Variants in DTNA observed in about 807,000 individuals in gnomAD.
The protein encoded by DTNA is dystrobrevin alpha.
A neutral mutation model predicts 100.7 loss-of-function variants in DTNA; 43 were observed. The ratio of observed to expected loss-of-function variants is 0.43; its 90% CI spans 0.33 to 0.55. The LOEUF (loss-of-function observed/expected upper bound fraction) is 0.55. Ranked by LOEUF, DTNA falls within the 20% of genes least tolerant of loss-of-function variation. The pLI, the probability that DTNA is intolerant of heterozygous loss-of-function variation, is 0.04. For missense variants in DTNA, 798 were observed against 953.9 expected, an observed-to-expected ratio of 0.84 and a Z score of 2.15; for synonymous variants, 349 against 347.9, an observed-to-expected ratio of 1.00 and a Z score of -0.04.
chr18:34,829,936 C>A (rs1198856358), intron 11 of DTNA, among the ~76,000 whole-genome samples: 1 of 152,182 alleles, frequency 6.6e-6, no homozygotes, highest in Non-Finnish European at 1.5e-5. Context: ...CCTTTCTGTC[C>A]TATTGGACCT....
chr18:34,659,623 G>GACAC (rs1265884441), intron 1 of DTNA, among the ~76,000 whole-genome samples: 25 of 140,946 alleles, frequency 1.8e-4, no homozygotes, highest in African/African-American at 6.5e-4. Flanking sequence ...CATACACACA[G>GACAC]ACACACACAG....
At chr18:34,715,186 A>G (rs1004258068) in intron 1 of DTNA, among the ~76,000 whole-genome samples, 3 of 151,960 alleles carry the variant, frequency 2.0e-5, no homozygotes, top group East Asian at 1.9e-4. Flanking sequence ...GTGCACATGT[A>G]CCCTAAAACT....
intron 1 of DTNA, among the ~76,000 whole-genome samples, chr18:34,552,220 CT>C (rs1040943156): frequency 6.6e-6 from 1 of 151,864 alleles, no homozygotes; most frequent in South Asian, 2.1e-4. Context: ...GCCTTTTAAT[CT>C]TTTGAAAGGT....
chr18:34,861,130 G>A (rs927701911), intron 16 of DTNA, among the ~76,000 whole-genome samples: 2 of 151,880 alleles, frequency 1.3e-5, no homozygotes, highest in African/African-American at 4.8e-5. Flanking sequence ...GTTGATATAT[G>A]GTATTTAATA....
chr18:34,599,902 T>C (rs2051430645), intron 1 of DTNA, among the ~76,000 whole-genome samples: 1 of 152,174 alleles, frequency 6.6e-6, no homozygotes, highest in Non-Finnish European at 1.5e-5. Flanking sequence ...TGATTCGAAC[T>C]CCTGACCTCA....
At chr18:34,601,439 C>T (rs935082759) in intron 1 of DTNA, among the ~76,000 whole-genome samples, 1 of 152,158 alleles carries the variant, frequency 6.6e-6, no homozygotes, top group African/African-American at 2.4e-5. Flanking sequence ...TAGTCCTCAA[C>T]TCCTTCCAGT....
intron 1 of DTNA, among the ~76,000 whole-genome samples, chr18:34,691,398 G>C (rs1447956348): frequency 6.6e-6 from 1 of 152,162 alleles, no homozygotes; most frequent in East Asian, 1.9e-4. Flanking sequence ...CTCTCTGAGC[G>C]TCAGTTGACC....
intron 3 of DTNA, among the ~76,000 whole-genome samples, chr18:34,783,625 G>A (rs2094416472): frequency 6.6e-6 from 1 of 152,130 alleles, no homozygotes; most frequent in Non-Finnish European, 1.5e-5. Flanking sequence ...ATTTTATAAA[G>A]GTATAGCTCA....
intron 1 of DTNA, among the ~76,000 whole-genome samples, chr18:34,727,849 G>T (rs1448783960): frequency 1.3e-5 from 2 of 152,172 alleles, no homozygotes; most frequent in Non-Finnish European, 2.9e-5. Flanking sequence ...ACAGGTGTGA[G>T]CCACTGCACT....
At chr18:34,531,056 T>C (rs1206172867) in intron 1 of DTNA, among the ~76,000 whole-genome samples, 3 of 152,144 alleles carry the variant, frequency 2.0e-5, no homozygotes, top group Admixed American at 1.3e-4. Flanking sequence ...AAACCACTGA[T>C]GTGAGGTAGA....
chr18:34,514,521 T>C (rs2041402348), intron 1 of DTNA, among the ~76,000 whole-genome samples: 1 of 152,116 alleles, frequency 6.6e-6, no homozygotes, highest in Admixed American at 6.5e-5. Flanking sequence ...AAATGCAATA[T>C]CTAAGGCAGT....
chr18:34,684,042 A>G (rs549148707), intron 1 of DTNA, among the ~76,000 whole-genome samples: 2 of 152,296 alleles, frequency 1.3e-5, no homozygotes, highest in Admixed American at 1.3e-4. Context: ...AACACCTGAC[A>G]TCAAAGATAA....
At chr18:34,778,611 T>C (rs1474032596) in intron 3 of DTNA, among the ~76,000 whole-genome samples, 1 of 152,172 alleles carries the variant, frequency 6.6e-6, no homozygotes, top group East Asian at 1.9e-4. Context: ...GGAAATATTG[T>C]CTCAGCCATT....
intron 1 of DTNA, among the ~76,000 whole-genome samples, chr18:34,746,920 A>C (rs775233619): frequency 6.6e-6 from 1 of 152,020 alleles, no homozygotes; most frequent in Non-Finnish European, 1.5e-5. Context: ...AACCAAACGA[A>C]ACCAAATGTC....
intron 17 of DTNA, chr18:34,868,190 T>C (rs1039028043): frequency 8.0e-6 from 3 of 375,014 alleles, no homozygotes; most frequent in African/African-American, 4.4e-5. Flanking sequence ...TCGGTGGTTT[T>C]ATCAGTACAG....
At chr18:34,755,030 C>CT (rs1353414012) in intron 1 of DTNA, among the ~76,000 whole-genome samples, 2 of 152,156 alleles carry the variant, frequency 1.3e-5, no homozygotes, top group African/African-American at 4.8e-5. Flanking sequence ...GCAGCTACAC[C>CT]TTTTGTTAAC....
At chr18:34,625,480 C>A (rs2147970979) in intron 1 of DTNA, among the ~76,000 whole-genome samples, 1 of 152,212 alleles carries the variant, frequency 6.6e-6, no homozygotes, top group Admixed American at 6.5e-5. Context: ...GCCAGGGACA[C>A]CTTTTAAGTG....
In DTNA at chr18:34,533,394, G is replaced by A. The variant is rs564568766; in HGVS notation, c.-2+39880G>A. Among the ~76,000 whole-genome samples, 66 of 149,870 alleles carry A rather than the reference G, an allele frequency of 4.4e-4. 2 individuals are homozygous for A. The South Asian group carries it at 0.013, about 29-fold the overall frequency. ...CTCAAAAAAAAAAAAAAAAAGTACA[G>A]AGTGGGACATGAAGATGCTTGCCAA... On this transcript the variant is annotated intron_variant, in intron 1 of 19. Coordinates refer to the DTNA transcript ENST00000283365.
chr18:34,579,538 T>C (rs139443850), intron 1 of DTNA, among the ~76,000 whole-genome samples: 63 of 152,352 alleles, frequency 4.1e-4, no homozygotes, highest in Middle Eastern at 3.4e-3. Flanking sequence ...TTGAAAGATA[T>C]ATTTGTTGAA....
Sources: allele counts gnomAD v4.1 joint callset (sites outside exome capture counted in the v4.1 genomes callset), GRCh38; gene constraint gnomAD v4.1.1; transcripts MANE v1.5; gene names NCBI Gene and HGNC (gene_info 2026-07-23, HGNC 2026-07-21).